The following TAS1R1 variants were observed in gnomAD, a reference collection of about 807,000 sequenced individuals.
The protein encoded by TAS1R1 is taste receptor type 1 member 1.
A neutral mutation model predicts 45.8 loss-of-function variants in TAS1R1; 31 were observed. That is an observed-to-expected ratio of 0.68 (90% CI 0.51 to 0.91). The LOEUF (loss-of-function observed/expected upper bound fraction) is 0.91. Among genes scored for constraint, TAS1R1 ranks in the 40% least tolerant of loss-of-function variants. The probability of loss-of-function intolerance (pLI) is 0.00; values close to 1 mark genes in which losing one functional copy is unlikely to be tolerated. For synonymous variants in TAS1R1, 437 were observed against 448.4 expected, an observed-to-expected ratio of 0.97 and a Z score of 0.32; for missense variants, 1,051 against 1,063.9, an observed-to-expected ratio of 0.99 and a Z score of 0.17.
intron 1 of TAS1R1, among the ~76,000 whole-genome samples, chr1:6,569,293 G>A (rs896325018): frequency 6.6e-5 from 10 of 152,116 alleles, no homozygotes; most frequent in African/African-American, 2.4e-4. Flanking sequence ...CGGGCAAGGA[G>A]GATTTGGAAA....
At position 6,577,020 on chromosome 1, in the gene TAS1R1, G is replaced by A. The variant is rs764498844; in HGVS notation, c.1544G>A (p.Cys515Tyr). The A allele has an allele frequency of 9.9e-6, 16 of 1,614,142 alleles. No individual in the cohort carries two copies. Among genetic ancestry groups the A allele is most frequent in the Non-Finnish European group, 1.2e-5 (14 of 1,180,050 alleles). The change falls in exon 5 of 6, where the codon TGC becomes TAC. Residue 515 changes from cysteine (C) to tyrosine (Y), a missense_variant. Physicochemically the swap from Cys to Tyr is radical, Grantham distance 194. Transcript: ENST00000333172. ...HQRVVTGFHH[C>Y]CFECVPCGAG... ...CGAGTGGTTACGGGTTTCCATCACT[G>A]CTGCTTTGAGTGTGTGCCCTGTGGG...
chr1:6,567,538 C>G (rs186442193), intron 1 of TAS1R1, among the ~76,000 whole-genome samples: 340 of 144,768 alleles, frequency 2.3e-3, no homozygotes, highest in Middle Eastern at 0.015. Flanking sequence ...CCAGCCTGGG[C>G]GACAGAGTGA....
chr1:6,575,974 G>A (rs752696435), intron 3 of TAS1R1, among the ~76,000 whole-genome samples: 1 of 151,740 alleles, frequency 6.6e-6, no homozygotes, highest in Non-Finnish European at 1.5e-5. Context: ...GATTACAGGC[G>A]TGAGCCACCG....
chr1:6,570,025 G>A (rs1317339286), intron 1 of TAS1R1, among the ~76,000 whole-genome samples: 4 of 132,992 alleles, frequency 3.0e-5, no homozygotes, highest in Non-Finnish European at 4.8e-5. Flanking sequence ...GAGGGAGGGG[G>A]AGAGAGAGAG....
At chr1:6,558,590 G>A (rs900021220) in intron 1 of TAS1R1, among the ~76,000 whole-genome samples, 2 of 152,018 alleles carry the variant, frequency 1.3e-5, no homozygotes. Context: ...CTTAGTGGCT[G>A]GTGCCTGTAA....
chr1:6,555,377 C>T lies in TAS1R1; in HGVS notation c.4C>T (p.Leu2=). ...CAGGCGCGGGCATCTGGCCAGCATG[C>T]TGCTCTGCACGGCTCGCCTGGTCGG... M[L]LCTARLVGLQ... Residue 2 remains leucine, a synonymous_variant, in exon 1 of 6, where the codon CTG becomes TTG. Transcript: ENST00000333172. The T allele has an allele frequency of 1.3e-6, 2 of 1,589,600 alleles. No homozygotes were observed. Among genetic ancestry groups the T allele is most frequent in the Non-Finnish European group, 1.7e-6 (2 of 1,167,140 alleles).
Position 6,565,414 on chromosome 1 carries a change from T to C in TAS1R1, c.192-5495T>C, listed in dbSNP as rs375530289. Among the ~76,000 whole-genome samples, 3 of 152,240 alleles carry C rather than the reference T, an allele frequency of 2.0e-5. No homozygotes were observed. In the East Asian group the frequency reaches 5.8e-4, roughly 29 times the overall value. On this transcript the variant is annotated intron_variant, in intron 1 of 5. Coordinates refer to ENST00000333172, the MANE Select transcript of TAS1R1 (RefSeq NM_138697.4). The stretch of plus-strand genomic sequence containing the variant: ...AGGGTGGCCGCTGCTGCTAGAGCTC[T>C]GAGGCAAGTTGGCCATCCTCGAGTG...
intron 5 of TAS1R1, 35 bp downstream of exon 5, chr1:6,577,105 A>T: frequency 6.2e-7 from 1 of 1,613,372 alleles, no homozygotes; most frequent in Non-Finnish European, 8.5e-7. Context: ...GCTACCCAGC[A>T]CTCCCGGGGG....
chr1:6,559,539 A>G (rs1639745143), intron 1 of TAS1R1, among the ~76,000 whole-genome samples: 1 of 151,430 alleles, frequency 6.6e-6, no homozygotes, highest in Non-Finnish European at 1.5e-5. Context: ...GGCGCCTGTA[A>G]TCCCGGTTAC....
At chr1:6,558,811 C>T (rs1421395873) in intron 1 of TAS1R1, among the ~76,000 whole-genome samples, 1 of 151,928 alleles carries the variant, frequency 6.6e-6, no homozygotes, top group Non-Finnish European at 1.5e-5. Context: ...CTCTGCCTCC[C>T]AGATTCAGGC....
Position 6,576,722 on chromosome 1 carries a change from G to A in TAS1R1, c.1473+95G>A. The stretch of plus-strand genomic sequence containing the variant: ...CACAGTGTACAGGGAGCAGGAGGGG[G>A]GCCCCAGGGGTCCAGCTGCCACCAC... On this transcript the variant is annotated intron_variant, in intron 4 of 5. Coordinates refer to ENST00000333172, the MANE Select transcript of TAS1R1 (RefSeq NM_138697.4). 2.0e-6 allele frequency: 3 copies of A among 1,490,266 alleles called. No individual in the cohort carries two copies. The South Asian group carries it at 3.7e-5, about 18-fold the overall frequency. The allele number at this position is 1,490,266 out of a possible 1,614,324, so 92.3% of individuals were successfully genotyped here.
intron 1 of TAS1R1, 116 bp downstream of exon 1, chr1:6,555,680 G>A (rs1216384417): frequency 1.0e-6 from 1 of 990,994 alleles, no homozygotes; most frequent in Non-Finnish European, 1.4e-6. Flanking sequence ...ACTGTCCCCA[G>A]GCCTTGTTCA....
chr1:6,564,088 C>T (rs1481267450), intron 1 of TAS1R1, among the ~76,000 whole-genome samples: 3 of 152,024 alleles, frequency 2.0e-5, no homozygotes, highest in Admixed American at 6.6e-5. Context: ...GGAGAATCGG[C>T]GGAAGGCGGC....
chr1:6,565,315 AAAG>A (rs1173276876), intron 1 of TAS1R1, among the ~76,000 whole-genome samples: 31 of 152,054 alleles, frequency 2.0e-4, no homozygotes, highest in African/African-American at 7.5e-4. Context: ...GCTCGGGAGG[AAAG>A]AAGATCTTAT....
chr1:6,557,902 C>T (rs1278908687), intron 1 of TAS1R1, among the ~76,000 whole-genome samples: 1 of 152,188 alleles, frequency 6.6e-6, no homozygotes, highest in Non-Finnish European at 1.5e-5. Flanking sequence ...GAATCCTGTC[C>T]CTGGCTCATT....
Position 6,575,236 on chromosome 1 carries a change from A to G in TAS1R1, c.1104A>G (p.Gln368=). 3 of 1,613,602 alleles carry G rather than the reference A, an allele frequency of 1.9e-6. No individual in the cohort carries two copies. The highest frequency in any genetic ancestry group is 2.5e-6 in the Non-Finnish European group (3 of 1,179,992). Residue 368 remains glutamine (Q), a synonymous_variant, in exon 3 of 6, where the codon CAA becomes CAG. Coordinates refer to ENST00000333172, the MANE Select transcript of TAS1R1 (RefSeq NM_138697.4). ...GCAATCAGCTCTGCAGAGAATGCCA[A>G]GCTTTCATGGCACACACGATGCCCA... The part of the protein sequence containing the change: ...CSSNQLCREC[Q]AFMAHTMPKL...
In TAS1R1 at chr1:6,576,645, A is replaced by C. The variant is rs758050304; in HGVS notation, c.1473+18A>C. ...ACAACCAGGTAATGGGGATGTGGCT[A>C]CTCACCATGTAACTGGCTTATGGGC... is the stretch of plus-strand genomic sequence containing the variant. On this transcript the variant is annotated intron_variant, in intron 4 of 5. Transcript: ENST00000333172. 1 of 1,609,834 alleles carries C rather than the reference A, an allele frequency of 6.2e-7. No individual in the cohort carries two copies. The highest frequency in any genetic ancestry group is 8.5e-7 in the Non-Finnish European group (1 of 1,177,294).
rs771967973 is a variant in TAS1R1 at position 6,555,576 on chromosome 1, G to C, written c.191+12G>C. ...ACCCTGTGTGACAGGTGAGTGAGGG[G>C]CCAGCAGAGCCACACTTAGTGGGAC... On this transcript the variant is annotated intron_variant, in intron 1 of 5. Coordinates refer to ENST00000333172, the MANE Select transcript of TAS1R1 (RefSeq NM_138697.4). 47 of 1,540,756 alleles carry C rather than the reference G, an allele frequency of 3.1e-5. No individual in the cohort carries two copies. Among genetic ancestry groups the C allele is most frequent in the Non-Finnish European group, 4.0e-5 (45 of 1,138,972 alleles).
intron 4 of TAS1R1, 91 bp downstream of exon 4, chr1:6,576,718 G>A (rs1040190377): frequency 3.9e-5 from 59 of 1,518,390 alleles, no homozygotes; most frequent in Non-Finnish European, 5.2e-5. Context: ...GGGAGCAGGA[G>A]GGGGGCCCCA....
Sources: allele counts gnomAD v4.1 joint callset (sites outside exome capture counted in the v4.1 genomes callset), GRCh38; gene constraint gnomAD v4.1.1; transcripts MANE v1.5; gene names NCBI Gene and HGNC (gene_info 2026-07-23, HGNC 2026-07-21).